The following ZNF345 variants were observed in gnomAD, a reference collection of about 807,000 sequenced individuals.
ZNF345 encodes the protein zinc finger protein 345.
For synonymous variants in ZNF345, 166 were observed against 187.9 expected (o/e 0.88, Z 0.95); for missense variants, 527 against 589.9 (o/e 0.89, Z 1.10).
At chr19:36,888,462 A>C (rs1021492266) in intron 3 of ZNF345, 2 of 152,132 alleles carry the variant, frequency 1.3e-5, no homozygotes, top group African/African-American at 4.8e-5. Context: ...CACCTACCAC[A>C]CTAAATTCTT....
chr19:36,851,242 G>GGT (rs149061399), intron 1 of ZNF345: 47 of 151,740 alleles, frequency 3.1e-4, no homozygotes, highest in Non-Finnish European at 5.3e-4. Context: ...GTCCCCTTGG[G>GGT]GTGTGTGTGT....
downstream of ZNF345, among the ~76,000 whole-genome samples, chr19:36,882,048 C>CTTG (rs142080531): frequency 0.18 from 26,973 of 147,612 alleles, 3,011 homozygotes; most frequent in African/African-American, 0.32. Context: ...ATTCATTTTA[C>CTTG]TTGTTTTTTT....
At position 36,852,109 on chromosome 19, in the gene ZNF345, C is replaced by CT. The variant is rs57521965; in HGVS notation, c.-47+215dup. 2.9e-4 allele frequency among the ~76,000 whole-genome samples: 36 copies of CT among 123,282 alleles called. No individual in the cohort carries two copies. In the Middle Eastern group the frequency reaches 0.012, roughly 42 times the overall value. The allele number at this position is 123,282 out of a possible 152,430, so 80.9% of individuals were successfully genotyped here. On this transcript the variant is annotated intron_variant, in intron 2 of 2. Coordinates refer to ENST00000420450, the MANE Select transcript of ZNF345 (RefSeq NM_001242472.2). Reference sequence around the variant, plus strand: ...TCAGATGGTTTTAATTTTTCTTTTTCTTTTTTTTTTCTTTCTTTCTTTTTT... The same window carrying CT: ...TCAGATGGTTTTAATTTTTCTTTTTCTTTTTTTTTTTCTTTCTTTCTTTTTT...
At chr19:36,887,176 C>T (rs2073005894) in intron 3 of ZNF345, among the ~76,000 whole-genome samples, 3 of 144,616 alleles carry the variant, frequency 2.1e-5, no homozygotes, top group South Asian at 4.3e-4. Context: ...CAAAAAACAC[C>T]ACCACCACCA....
chr19:36,850,592 T>G (rs914000240), upstream of ZNF345: 1 of 152,310 alleles, frequency 6.6e-6, no homozygotes, highest in Admixed American at 6.5e-5. Flanking sequence ...TCGCAGGCTA[T>G]GGAGGAGGCC....
At position 36,878,362 on chromosome 19, in the gene ZNF345, C is replaced by A; in HGVS notation, c.*65C>A. Reference sequence around the variant, plus strand: ...AGAAAATTCATAGTGGTGAAAATCTCTACAAATAGAACTAAGGTACAAATG... The same window carrying A: ...AGAAAATTCATAGTGGTGAAAATCTATACAAATAGAACTAAGGTACAAATG... On this transcript the variant is annotated 3_prime_UTR_variant, in exon 3 of 3. Transcript: ENST00000420450. 6.9e-7 allele frequency: 1 copy of A among 1,459,756 alleles called. No homozygotes were observed. Among genetic ancestry groups the A allele is most frequent in the South Asian group, 1.4e-5 (1 of 69,988 alleles). 90.4% of individuals were successfully genotyped at this position (1,459,756 alleles called of 1,614,324 possible).
chr19:36,853,065 T>C (rs1454984352), intron 2 of ZNF345, among the ~76,000 whole-genome samples: 2 of 151,966 alleles, frequency 1.3e-5, no homozygotes, highest in Non-Finnish European at 2.9e-5. Flanking sequence ...GTGATAAGTA[T>C]TTTCACCTGC....
intron 2 of ZNF345, among the ~76,000 whole-genome samples, chr19:36,868,843 C>T (rs972495481): frequency 1.3e-5 from 2 of 152,072 alleles, no homozygotes; most frequent in Non-Finnish European, 2.9e-5. Context: ...CCAAGCTAGT[C>T]TCAAACTCCT....
At chr19:36,861,592 C>T (rs889438303) in intron 2 of ZNF345, among the ~76,000 whole-genome samples, 7 of 152,106 alleles carry the variant, frequency 4.6e-5, no homozygotes, top group Non-Finnish European at 1.0e-4. Flanking sequence ...GACGGAGTCT[C>T]GCTCTATCAC....
At chr19:36,864,864 G>A (rs2072625847) in intron 2 of ZNF345, among the ~76,000 whole-genome samples, 1 of 152,184 alleles carries the variant, frequency 6.6e-6, no homozygotes, top group Non-Finnish European at 1.5e-5. Context: ...TGCCATAAGT[G>A]CCTCACTTGC....
intron 2 of ZNF345, among the ~76,000 whole-genome samples, chr19:36,874,095 C>T (rs1201961942): frequency 1.3e-5 from 2 of 152,156 alleles, no homozygotes; most frequent in African/African-American, 2.4e-5. Context: ...CAGCATAAAC[C>T]GTACACTTTT....
At chr19:36,857,582 T>G (rs1416140826) in intron 2 of ZNF345, among the ~76,000 whole-genome samples, 3 of 152,182 alleles carry the variant, frequency 2.0e-5, no homozygotes, top group Non-Finnish European at 4.4e-5. Context: ...GTGCTGGGAT[T>G]ACAGGCGTGA....
chr19:36,858,930 G>A (rs1216507402), intron 2 of ZNF345, among the ~76,000 whole-genome samples: 1 of 152,152 alleles, frequency 6.6e-6, no homozygotes, highest in Admixed American at 6.5e-5. Flanking sequence ...AGCGGAAGGA[G>A]TAGTTTTGGC....
At chr19:36,864,715 C>A (rs1341591611) in intron 2 of ZNF345, among the ~76,000 whole-genome samples, 1 of 151,966 alleles carries the variant, frequency 6.6e-6, no homozygotes, top group Admixed American at 6.6e-5. Flanking sequence ...AAGCACTCAC[C>A]GTCAGATGTA....
At chr19:36,868,499 T>G (rs909006631) in intron 2 of ZNF345, among the ~76,000 whole-genome samples, 1 of 152,198 alleles carries the variant, frequency 6.6e-6, no homozygotes, top group Non-Finnish European at 1.5e-5. Flanking sequence ...GTCCTTTTGA[T>G]TACTGTAGCT....
chr19:36,853,410 G>A (rs2072333617), intron 2 of ZNF345, among the ~76,000 whole-genome samples: 1 of 151,902 alleles, frequency 6.6e-6, no homozygotes, highest in Non-Finnish European at 1.5e-5. Flanking sequence ...CACCATACCT[G>A]GCTAATTTTG....
chr19:36,851,377 G>A (rs2072261118), intron 1 of ZNF345: 1 of 152,240 alleles, frequency 6.6e-6, no homozygotes, highest in Admixed American at 6.6e-5. Context: ...GTGTGAATTT[G>A]TTGTCATTGT....
intron 2 of ZNF345, among the ~76,000 whole-genome samples, chr19:36,874,720 A>C (rs1600713950): frequency 6.6e-6 from 1 of 152,236 alleles, no homozygotes; most frequent in South Asian, 2.1e-4. Context: ...CGGAGGTTGC[A>C]GCGATCTGAG....
chr19:36,892,984 G>A, exon 4 of ZNF345: 1 of 425,544 alleles, frequency 2.3e-6, no homozygotes, highest in Non-Finnish European at 4.0e-6. Context: ...CATGCACCAT[G>A]CGTGAGATAT....
Sources: gnomAD v4.1 joint callset for allele counts (sites outside exome capture counted in the v4.1 genomes callset) on GRCh38, gnomAD v4.1.1 for gene constraint, MANE v1.5 for transcripts, NCBI Gene and HGNC (gene_info 2026-07-23, HGNC 2026-07-21) for gene names.